The following PDS5A variants were observed in gnomAD, a reference collection of about 807,000 sequenced individuals.
The protein encoded by PDS5A is PDS5 cohesin associated factor A.
Under a neutral mutation model 167.1 loss-of-function variants are expected in PDS5A, and 42 were observed. The ratio of observed to expected loss-of-function variants is 0.25; its 90% CI spans 0.20 to 0.33. The LOEUF (loss-of-function observed/expected upper bound fraction) is 0.33. Among genes scored for constraint, PDS5A ranks in the 10% least tolerant of loss-of-function variants. PDS5A has a pLI of 1.00. For synonymous variants in PDS5A, 553 were observed against 554.6 expected (o/e 1.00, Z 0.04); for missense variants, 1,033 against 1,605.9 (o/e 0.64, Z 6.10).
At chr4:39,887,322 T>G (rs1013843004) in intron 17 of PDS5A, among the ~76,000 whole-genome samples, 2 of 152,240 alleles carry the variant, frequency 1.3e-5, no homozygotes, top group Non-Finnish European at 2.9e-5. Context: ...TATCATAAAG[T>G]AATGTTGAAT....
Position 39,866,992 on chromosome 4 carries a change from C to T in PDS5A, c.2511G>A (p.Gln837=), listed in dbSNP as rs1206678353. Residue 837 remains glutamine, a synonymous_variant, in exon 23 of 33, where the codon CAG becomes CAA. Transcript: ENST00000303538. ...GCCACCTTACCAGAAGTTTAATTGC[C>T]TGTACCTATAAAATATTAACATGCT... ...EVSPEVLAKV[Q]AIKLLVRWLL... is the part of the protein sequence containing the mutation. The T allele has an allele frequency of 6.3e-7, 1 of 1,597,880 alleles. No individual in the cohort carries two copies. The highest frequency in any genetic ancestry group is 1.3e-5 in the African/African-American group (1 of 74,122).
At chr4:39,858,625 A>G (rs1718730131) in intron 26 of PDS5A, among the ~76,000 whole-genome samples, 1 of 152,124 alleles carries the variant, frequency 6.6e-6, no homozygotes, top group Non-Finnish European at 1.5e-5. Context: ...AAATGCAGTA[A>G]AATTTTCTTT....
At chr4:39,928,806 C>A (rs1178312387) in intron 2 of PDS5A, among the ~76,000 whole-genome samples, 1 of 140,034 alleles carries the variant, frequency 7.1e-6, no homozygotes, top group Non-Finnish European at 1.5e-5. Flanking sequence ...GACTAGGCAA[C>A]AGAGTGAGAC....
intron 16 of PDS5A, among the ~76,000 whole-genome samples, chr4:39,893,144 G>A (rs566774310): frequency 1.3e-5 from 2 of 152,130 alleles, no homozygotes; most frequent in Non-Finnish European, 2.9e-5. Flanking sequence ...AAAATTTGGG[G>A]ACCACTCTCA....
chr4:39,836,471 G>A (rs899659633), intron 32 of PDS5A, among the ~76,000 whole-genome samples: 2 of 152,158 alleles, frequency 1.3e-5, no homozygotes, highest in African/African-American at 4.8e-5. Context: ...GTCTCGCTTT[G>A]TCGCCCAGGC....
rs935776479 is a variant in PDS5A, at chr4:39,960,562, T to C, written c.138+15878A>G. ...AGTTATCTTGAACATTTTTTTTTTT[T>C]AAGAGACAGGGTCTTCCTCTGTCAC... On this transcript the variant is annotated intron_variant, in intron 2 of 32. Transcript: ENST00000303538. Among the ~76,000 whole-genome samples, 7 of 151,976 alleles carry C rather than the reference T, an allele frequency of 4.6e-5. No homozygotes were observed. The South Asian group carries it at 1.5e-3, about 31-fold the overall frequency.
At chr4:39,952,441 G>A (rs1006114490) in intron 2 of PDS5A, among the ~76,000 whole-genome samples, 1 of 152,128 alleles carries the variant, frequency 6.6e-6, no homozygotes, top group Non-Finnish European at 1.5e-5. Context: ...CTTTCAGCAA[G>A]TATAAAATTA....
chr4:39,930,252 T>G lies in PDS5A; in HGVS notation c.139-2088A>C, dbSNP rs28626055. On this transcript the variant is annotated intron_variant, in intron 2 of 32. Coordinates refer to ENST00000303538, the MANE Select transcript of PDS5A (RefSeq NM_001100399.2). Reference sequence around the variant, plus strand: ...AAAAAAAAAAAAAAAAAAAAGTTTTTTTGTTTTTTGTTTTTTTTTTTTAAG... The same window carrying G: ...AAAAAAAAAAAAAAAAAAAAGTTTTGTTGTTTTTTGTTTTTTTTTTTTAAG... Among the ~76,000 whole-genome samples the G allele has an allele frequency of 6.5e-3, 734 of 112,230 alleles. 19 individuals are homozygous for G. Among genetic ancestry groups the G allele is most frequent in the African/African-American group, 0.018 (643 of 35,378 alleles). The allele number at this position is 112,230 out of a possible 152,430, so 73.6% of individuals were successfully genotyped here. A position where few individuals can be genotyped will look rare whatever the true frequency, so the allele number is the denominator to read the frequency against.
intron 16 of PDS5A, among the ~76,000 whole-genome samples, chr4:39,897,468 G>A (rs936482604): frequency 3.9e-5 from 6 of 151,942 alleles, no homozygotes; most frequent in East Asian, 1.9e-4. Context: ...GCATGATCTC[G>A]GCTCACTACA....
chr4:39,902,478 C>CA lies in PDS5A; in HGVS notation c.1386-19dup, dbSNP rs760265136. On this transcript the variant is annotated intron_variant, in intron 12 of 32. Coordinates refer to ENST00000303538, the MANE Select transcript of PDS5A (RefSeq NM_001100399.2). The stretch of plus-strand genomic sequence containing the variant: ...CCAACAGTCTAGGAAATAACAACAA[C>CA]AAAAAAAACCTAAGTGACACAATTA... 7.9e-5 allele frequency: 94 copies of CA among 1,183,148 alleles called. No homozygotes were observed. The highest frequency in any genetic ancestry group is 1.7e-4 in the South Asian group (12 of 70,074). The allele number at this position is 1,183,148 out of a possible 1,614,324, so 73.3% of individuals were successfully genotyped here.
intron 7 of PDS5A, among the ~76,000 whole-genome samples, chr4:39,918,635 C>T (rs181118668): frequency 6.6e-6 from 1 of 152,080 alleles, no homozygotes; most frequent in African/African-American, 2.4e-5. Context: ...AGGCGGATTA[C>T]CTGAGGTCAG....
chr4:39,921,013 T>C (rs1448759685), intron 6 of PDS5A, among the ~76,000 whole-genome samples: 2 of 152,234 alleles, frequency 1.3e-5, no homozygotes, highest in Non-Finnish European at 2.9e-5. Context: ...TTGTTTTGAA[T>C]AATACCTATT....
At chr4:39,896,983 T>C (rs1017915650) in intron 16 of PDS5A, among the ~76,000 whole-genome samples, 1 of 151,924 alleles carries the variant, frequency 6.6e-6, no homozygotes, top group African/African-American at 2.4e-5. Context: ...ACATGTGTCA[T>C]GGTAGTTTGC....
Position 39,977,559 on chromosome 4 carries a change from C to CCCGCCGCCG in PDS5A, c.-152_-144dup, listed in dbSNP as rs563638933. 72 of 159,802 alleles carry CCCGCCGCCG rather than the reference C, an allele frequency of 4.5e-4. No individual in the cohort carries two copies. Among genetic ancestry groups the CCCGCCGCCG allele is most frequent in the Admixed American group, 1.1e-3 (16 of 15,112 alleles). The allele number at this position is 159,802 out of a possible 1,614,324, so 9.9% of individuals were successfully genotyped here. A position where few individuals can be genotyped will look rare whatever the true frequency, so the allele number is the denominator to read the frequency against. On this transcript the variant is annotated 5_prime_UTR_variant, in exon 1 of 33. Transcript: ENST00000303538. This position sits in a 1 kb window ranked among gnomAD's most constrained non-coding sequence, Gnocchi z 4.2. ...CTGCACACAAAGCGGCTCCGCGGGTCCCGCCGCCGCCGCCGCCGCCGCCCG... is the reference window on the plus strand; with the variant it reads ...CTGCACACAAAGCGGCTCCGCGGGTCCCGCCGCCGCCGCCGCCGCCGCCGCCGCCGCCCG...
intron 23 of PDS5A, among the ~76,000 whole-genome samples, chr4:39,865,364 A>C (rs1044485265): frequency 1.3e-5 from 2 of 152,118 alleles, no homozygotes; most frequent in African/African-American, 4.8e-5. Flanking sequence ...ACTCAGCTCT[A>C]AACAGTGTTA....
At chr4:39,929,014 T>G (rs1578762361) in intron 2 of PDS5A, among the ~76,000 whole-genome samples, 1 of 152,270 alleles carries the variant, frequency 6.6e-6, no homozygotes, top group East Asian at 1.9e-4. Flanking sequence ...AAACTACCAT[T>G]CACATTTTTG....
chr4:39,900,150 CTAAT>C (rs756134852), intron 14 of PDS5A, among the ~76,000 whole-genome samples: 5 of 152,074 alleles, frequency 3.3e-5, no homozygotes, highest in Admixed American at 1.3e-4. Context: ...AAATTTAATT[CTAAT>C]TATTTGAAAA....
At chr4:39,973,835 G>T (rs1363836660) in intron 2 of PDS5A, 1 of 1,066,958 alleles carries the variant, frequency 9.4e-7, no homozygotes, top group Non-Finnish European at 1.5e-6. Flanking sequence ...ACTCAGAACC[G>T]TGCTGCAAGA....
intron 2 of PDS5A, among the ~76,000 whole-genome samples, chr4:39,974,754 G>C (rs910669433): frequency 6.6e-6 from 1 of 152,008 alleles, no homozygotes; most frequent in Non-Finnish European, 1.5e-5. Flanking sequence ...TGATTTGCCT[G>C]CCTCGGCCTC....
Sources: allele counts gnomAD v4.1 joint callset (sites outside exome capture counted in the v4.1 genomes callset), GRCh38; gene constraint gnomAD v4.1.1; non-coding constraint Gnocchi (gnomAD v3.1); transcripts MANE v1.5; gene names NCBI Gene and HGNC (gene_info 2026-07-23, HGNC 2026-07-21).